The following ZNF540 variants were observed in gnomAD, a reference collection of about 807,000 sequenced individuals.
ZNF540 encodes the protein zinc finger protein 540.
Under a neutral mutation model 11.8 loss-of-function variants are expected in ZNF540, and 3 were observed. The observed-to-expected ratio is 0.25, with a 90% CI of 0.12 to 0.65. The LOEUF (loss-of-function observed/expected upper bound fraction) is 0.65, where lower values mean the gene tolerates loss of function less well. Among genes scored for constraint, ZNF540 ranks in the 30% least tolerant of loss-of-function variants. ZNF540 has a pLI of 0.83. For missense variants in ZNF540, 709 were observed against 793.1 expected, an observed-to-expected ratio of 0.89 and a Z score of 1.27; for synonymous variants, 247 against 259.0, an observed-to-expected ratio of 0.95 and a Z score of 0.45.
chr19:37,554,435 T>C (rs2042639068), intron 1 of ZNF540, among the ~76,000 whole-genome samples: 2 of 152,244 alleles, frequency 1.3e-5, no homozygotes, highest in African/African-American at 4.8e-5. Flanking sequence ...CTTTCTCTGC[T>C]AGCTTGCATA....
chr19:37,609,143 G>A (rs1045872426), intron 4 of ZNF540, among the ~76,000 whole-genome samples: 1 of 152,292 alleles, frequency 6.6e-6, no homozygotes, highest in Non-Finnish European at 1.5e-5. Flanking sequence ...GCACATACCT[G>A]TTACAATATC....
chr19:37,611,454 C>T, intron 4 of ZNF540, 59 bp from the exon 5 acceptor site: 1 of 1,396,064 alleles, frequency 7.2e-7, no homozygotes, highest in Non-Finnish European at 9.7e-7. Flanking sequence ...AAAATGTAAA[C>T]TTTATGTTAT....
At chr19:37,564,678 T>A in intron 1 of ZNF540, 1 of 1,613,422 alleles carries the variant, frequency 6.2e-7, no homozygotes, top group Non-Finnish European at 8.5e-7. Flanking sequence ...GTATAGGGTT[T>A]CTCACCAGTA....
At position 37,583,849 on chromosome 19, in the gene ZNF540, T is replaced by C. The variant is rs1197423391; in HGVS notation, c.-72-14527T>C. On this transcript the variant is annotated intron_variant, in intron 1 of 4. Transcript: ENST00000592533. ...GAGATAAAAAGGTACACGGTGGAGC[T>C]GTCCATTTCTACTTCTACTCAAACG... 4.2e-6 allele frequency: 4 copies of C among 948,190 alleles called. No homozygotes were observed. In the African/African-American group the frequency reaches 6.6e-5, roughly 16 times the overall value. The allele number at this position is 948,190 out of a possible 1,614,324, so 58.7% of individuals were successfully genotyped here.
intron 1 of ZNF540, among the ~76,000 whole-genome samples, chr19:37,552,312 G>A (rs1211491463): frequency 6.6e-6 from 1 of 152,092 alleles, no homozygotes; most frequent in Non-Finnish European, 1.5e-5. Flanking sequence ...GCTTGCTAAA[G>A]TTCTTTGTAT....
intron 1 of ZNF540, chr19:37,583,766 A>C: frequency 2.1e-6 from 1 of 477,338 alleles, no homozygotes; most frequent in South Asian, 3.1e-5. Flanking sequence ...CATTGGCATC[A>C]AAGAAGGGAG....
At chr19:37,565,674 CAT>C in intron 1 of ZNF540, 1 of 1,613,576 alleles carries the variant, frequency 6.2e-7, no homozygotes, top group African/African-American at 1.3e-5. Flanking sequence ...TTCTTACATT[CAT>C]ATGGTTTCTC....
chr19:37,607,292 C>A (rs2044092776), intron 4 of ZNF540, among the ~76,000 whole-genome samples: 1 of 151,738 alleles, frequency 6.6e-6, no homozygotes, highest in African/African-American at 2.4e-5. Flanking sequence ...ACATTTGTTA[C>A]AGTTGATAAA....
intron 1 of ZNF540, among the ~76,000 whole-genome samples, chr19:37,567,922 T>G (rs537613282): frequency 6.6e-6 from 1 of 152,346 alleles, no homozygotes; most frequent in Admixed American, 6.5e-5. Context: ...ATATAATGTT[T>G]TATTCCTTTA....
At chr19:37,561,972 CT>C (rs1187706552) in intron 1 of ZNF540, among the ~76,000 whole-genome samples, 1 of 151,952 alleles carries the variant, frequency 6.6e-6, no homozygotes, top group Non-Finnish European at 1.5e-5. Flanking sequence ...TCAGTTACCA[CT>C]TTTTTTTGGA....
chr19:37,565,293 T>C lies in ZNF540; in HGVS notation c.-73+13628T>C, dbSNP rs201364655. On this transcript the variant is annotated intron_variant, in intron 1 of 4. Transcript: ENST00000592533. The stretch of plus-strand genomic sequence containing the variant: ...CCTGAATGAACTCTCAGGTGGTAAG[T>C]AAGTTGTGAGCCACGAAAAAAGGTC... 100 of 1,610,940 alleles carry C rather than the reference T, an allele frequency of 6.2e-5. 2 individuals carry two copies. The highest frequency in any genetic ancestry group is 8.3e-5 in the Non-Finnish European group (98 of 1,178,614).
At chr19:37,570,323 T>C (rs2043008860) in intron 1 of ZNF540, among the ~76,000 whole-genome samples, 1 of 152,182 alleles carries the variant, frequency 6.6e-6, no homozygotes, top group African/African-American at 2.4e-5. Flanking sequence ...CCTGTGATTA[T>C]TTTCTTCACC....
intron 1 of ZNF540, chr19:37,563,813 TATATGTATATATTCCA>T (rs1053351723): frequency 2.5e-5 from 2 of 78,694 alleles, no homozygotes; most frequent in Non-Finnish European, 3.7e-5. Context: ...ACATGTGGAA[TATATGTATATATTCCA>T]CATACACACA....
chr19:37,599,147 G>GCA, intron 2 of ZNF540, among the ~76,000 whole-genome samples: 1 of 151,912 alleles, frequency 6.6e-6, no homozygotes, highest in Non-Finnish European at 1.5e-5. Flanking sequence ...AACAGAGTGA[G>GCA]ATCTCCGTCT....
intron 2 of ZNF540, among the ~76,000 whole-genome samples, chr19:37,599,084 T>A (rs918389005): frequency 2.0e-5 from 3 of 152,180 alleles, no homozygotes; most frequent in African/African-American, 4.8e-5. Flanking sequence ...AGATTTGCAG[T>A]GAGGTACTAT....
chr19:37,613,312 A>G lies in ZNF540; in HGVS notation c.*49A>G. 2.3e-6 allele frequency: 3 copies of G among 1,303,616 alleles called. No individual in the cohort carries two copies. The highest frequency in any genetic ancestry group is 3.0e-6 in the Non-Finnish European group (3 of 988,066). The allele number at this position is 1,303,616 out of a possible 1,614,324, so 80.8% of individuals were successfully genotyped here. Reference sequence around the variant, plus strand: ...TGCTCTATTTATAGAATATCAAAATATTTATGGCCAGAAGTTCTGTCAATG... The same window carrying G: ...TGCTCTATTTATAGAATATCAAAATGTTTATGGCCAGAAGTTCTGTCAATG... On this transcript the variant is annotated 3_prime_UTR_variant, in exon 5 of 5. Transcript: ENST00000316433.
chr19:37,565,318 CT>C, intron 1 of ZNF540: 1 of 1,611,998 alleles, frequency 6.2e-7, no homozygotes, highest in Non-Finnish European at 8.5e-7. Context: ...GAAAAAAGGT[CT>C]TCCCGCATTC....
At chr19:37,563,665 T>C (rs1424387731) in intron 1 of ZNF540, 1 of 150,814 alleles carries the variant, frequency 6.6e-6, no homozygotes, top group East Asian at 1.9e-4. Context: ...TGTATACATA[T>C]GGGGACTATA....
Position 37,569,330 on chromosome 19 carries a change from T to C in ZNF540, c.-73+17665T>C, listed in dbSNP as rs1158159420. ...TTTGTTCTAATCTCCATCTGGCAGATAGAATGGAATAGTAAATATGAAAAT... is the reference window on the plus strand; with the variant it reads ...TTTGTTCTAATCTCCATCTGGCAGACAGAATGGAATAGTAAATATGAAAAT... On this transcript the variant is annotated intron_variant, in intron 1 of 4. Coordinates refer to the ZNF540 transcript ENST00000592533. The surrounding 1 kb of genome is among the most constrained non-coding windows in gnomAD (Gnocchi z 4.4). Among the ~76,000 whole-genome samples, 1 of 152,168 alleles carries C rather than the reference T, an allele frequency of 6.6e-6. No individual in the cohort carries two copies. Among genetic ancestry groups the C allele is most frequent in the Non-Finnish European group, 1.5e-5 (1 of 68,028 alleles).
Sources: gnomAD v4.1 joint callset for allele counts (sites outside exome capture counted in the v4.1 genomes callset) on GRCh38, gnomAD v4.1.1 for gene constraint, Gnocchi (gnomAD v3.1) non-coding constraint, MANE v1.5 for transcripts, NCBI Gene and HGNC (gene_info 2026-07-23, HGNC 2026-07-21) for gene names.